ZNF765: variants seen among roughly 807,000 people sequenced by gnomAD.
ZNF765 encodes the protein zinc finger protein 765.
A neutral mutation model predicts 44.7 loss-of-function variants in ZNF765; 37 were observed. The observed-to-expected ratio is 0.83, with a 90% confidence interval of 0.64 to 1.09. The LOEUF is 1.09. Ranked by LOEUF, ZNF765 falls within the 50% of genes least tolerant of loss-of-function variation. ZNF765 has a pLI of 0.00. For synonymous variants in ZNF765, 201 were observed against 213.7 expected, an observed-to-expected ratio of 0.94 and a Z score of 0.52; for missense variants, 594 against 626.1, an observed-to-expected ratio of 0.95 and a Z score of 0.55.
At chr19:53,420,948 T>C (rs1385219519) in intron 3 of ZNF765, among the ~76,000 whole-genome samples, 1 of 151,820 alleles carries the variant, frequency 6.6e-6, no homozygotes, top group Non-Finnish European at 1.5e-5. Flanking sequence ...CCATAAAGGG[T>C]CTGTGCTGAG....
chr19:53,402,115 G>A lies in ZNF765; in HGVS notation c.66G>A (p.Trp22Ter), dbSNP rs1223024578. The A allele has an allele frequency of 6.2e-7, 1 of 1,613,936 alleles. No homozygotes were observed. The highest frequency in any genetic ancestry group is 1.7e-5 in the Admixed American group (1 of 59,976). Residue 22 changes from tryptophan (W) to a stop codon, truncating the protein, a stop_gained, in exon 3 of 4, where the codon TGG (tryptophan) becomes TGA (stop). Coordinates refer to ENST00000396408, the MANE Select transcript of ZNF765 (RefSeq NM_001040185.3). LOFTEE classifies it high-confidence loss of function. Reference protein sequence around the residue: ...DVAIEFSQEEWKCLDPAQRTL... With the variant: ...DVAIEFSQEE ...CCATAGAATTCTCTCAGGAGGAGTG[G>A]AAATGCCTGGACCCTGCTCAGAGGA...
In ZNF765 at chr19:53,407,889, C is replaced by T. The variant is rs766815130; in HGVS notation, c.334C>T (p.Leu112Phe). Residue 112 changes from leucine to phenylalanine, a missense_variant, in exon 4 of 4, where the codon CTC (leucine) becomes TTC (phenylalanine). Leu to Phe is a conservative substitution (Grantham distance 22, BLOSUM62 0). Around this residue, in one of 2 missense-constraint regions of ZNF765, gnomAD observed 567 missense variants for 572.6 expected, o/e 0.99. Transcript: ENST00000396408. ...QEDERNGHEA[L>F]MTKIKKLTGS... Reference sequence around the variant, plus strand: ...AGATGAAAGAAATGGCCATGAAGCACTCATGACAAAAATCAAAAAGTTGAC... The same window carrying T: ...AGATGAAAGAAATGGCCATGAAGCATTCATGACAAAAATCAAAAAGTTGAC... The T allele has an allele frequency of 6.2e-7, 1 of 1,613,742 alleles. No homozygotes were observed. Among genetic ancestry groups the T allele is most frequent in the African/African-American group, 1.3e-5 (1 of 74,978 alleles).
chr19:53,423,495 T>C, exon 4 of ZNF765: 1 of 441,138 alleles, frequency 2.3e-6, no homozygotes, highest in South Asian at 2.0e-5. Flanking sequence ...ACCAAAACCA[T>C]CCTCCTGGTG....
At position 53,410,580 on chromosome 19, in the gene ZNF765, G is replaced by A; in HGVS notation, c.*1453G>A. The A allele has an allele frequency of 2.2e-6, 1 of 444,446 alleles. No homozygotes were observed. The highest frequency in any genetic ancestry group is 4.5e-6 in the Non-Finnish European group (1 of 221,876). 27.5% of individuals were successfully genotyped at this position (444,446 alleles called of 1,614,324 possible). On this transcript the variant is annotated 3_prime_UTR_variant, in exon 4 of 4. Transcript: ENST00000396408. ...ACCATCAGGCAATCCATGGTGTAGG[G>A]AAACTTTACTTATGTAATGATTGTC...
At chr19:53,423,984 C>T (rs2147110072) in exon 4 of ZNF765, 1 of 152,976 alleles carries the variant, frequency 6.5e-6, no homozygotes, top group East Asian at 1.9e-4. Flanking sequence ...ATATACATAC[C>T]TCATTTCTGT....
intron 1 of ZNF765, among the ~76,000 whole-genome samples, chr19:53,397,363 T>G (rs968035040): frequency 2.0e-5 from 3 of 152,208 alleles, no homozygotes; most frequent in Non-Finnish European, 4.4e-5. Flanking sequence ...CTTGCAACTT[T>G]ATGATGCGGT....
intron 3 of ZNF765, 102 bp downstream of exon 3, chr19:53,402,293 G>C: frequency 6.7e-7 from 1 of 1,482,724 alleles, no homozygotes. Flanking sequence ...GTCTCGCTCT[G>C]TCGCCCAGGC....
chr19:53,426,594 G>C (rs2085941045), exon 4 of ZNF765: 1 of 152,454 alleles, frequency 6.6e-6, no homozygotes, highest in Non-Finnish European at 1.5e-5. Context: ...GGTGAGCAGT[G>C]GGTGAGTGCG....
rs377458144 is a variant in ZNF765, at chr19:53,408,782, A to G, written c.1227A>G (p.Lys409=). The G allele has an allele frequency of 1.9e-5, 31 of 1,614,136 alleles. 1 individual carries two copies. The African/African-American group carries it at 2.9e-4, about 15-fold the overall frequency. ...ATCGTAGACTTCATACTGAAGAGAA[A>G]CCTTACAAGTGTAATGAGTGTGGCA... The part of the protein sequence containing the change: ...TYHRRLHTEE[K]PYKCNECGKT... The change falls in exon 4 of 4, where the codon AAA becomes AAG. Residue 409 remains lysine (K), a synonymous_variant. Transcript: ENST00000396408.
intron 1 of ZNF765, among the ~76,000 whole-genome samples, chr19:53,395,496 G>A (rs552162660): frequency 1.6e-4 from 24 of 152,308 alleles, no homozygotes; most frequent in African/African-American, 4.8e-4. Context: ...GTCCTCACCC[G>A]AGAGGTGAAT....
intron 3 of ZNF765, among the ~76,000 whole-genome samples, chr19:53,420,974 A>G (rs893007134): frequency 3.3e-5 from 5 of 152,142 alleles, no homozygotes; most frequent in Admixed American, 3.3e-4. Flanking sequence ...TTAGTGAAAG[A>G]GGAAGGCCTC....
At chr19:53,419,179 A>G (rs2085892947) in intron 3 of ZNF765, among the ~76,000 whole-genome samples, 1 of 152,158 alleles carries the variant, frequency 6.6e-6, no homozygotes, top group Non-Finnish European at 1.5e-5. Flanking sequence ...AAGGTGCTTG[A>G]AGACTGGAAT....
downstream of ZNF765, among the ~76,000 whole-genome samples, chr19:53,416,956 T>G (rs1482767576): frequency 6.6e-6 from 1 of 152,088 alleles, no homozygotes; most frequent in Non-Finnish European, 1.5e-5. Flanking sequence ...TAGCTGGGAT[T>G]ACAGGCGCGC....
At chr19:53,407,538 T>G (rs1333779683) in intron 3 of ZNF765, among the ~76,000 whole-genome samples, 160 bp from the exon 4 acceptor site, 1 of 152,226 alleles carries the variant, frequency 6.6e-6, no homozygotes, top group Admixed American at 6.5e-5. Flanking sequence ...GTAATCGCCC[T>G]TTATTTGTTA....
downstream of ZNF765, among the ~76,000 whole-genome samples, chr19:53,415,962 T>TTGTTGTA (rs1301692377): frequency 6.6e-6 from 1 of 151,742 alleles, no homozygotes; most frequent in East Asian, 1.9e-4. Context: ...TGTTTTTTGT[T>TTGTTGTA]TTTTGTTTTT....
At chr19:53,413,603 T>G (rs1295052568), downstream of ZNF765, among the ~76,000 whole-genome samples, 2 of 24,370 alleles carry the variant, frequency 8.2e-5, no homozygotes, top group African/African-American at 1.8e-4. Flanking sequence ...TTTTTAGGTT[T>G]TTTTTTTTTT....
intron 3 of ZNF765, among the ~76,000 whole-genome samples, chr19:53,406,706 T>A (rs2085779363): frequency 6.6e-6 from 1 of 152,100 alleles, no homozygotes; most frequent in Non-Finnish European, 1.5e-5. Flanking sequence ...CTTGAGGTCA[T>A]AAGTTCGAGG....
rs1238501616 is a variant in ZNF765, at chr19:53,402,204, T to C, written c.142+13T>C. 2 of 1,612,464 alleles carry C rather than the reference T, an allele frequency of 1.2e-6. No individual in the cohort carries two copies. The highest frequency in any genetic ancestry group is 1.7e-5 in the Admixed American group (1 of 59,788). ...CTGGTCTCCCTGGGTGAGGATGACT[T>C]CCCTCCTGGGGATGTGCCCTTGCGT... On this transcript the variant is annotated intron_variant, in intron 3 of 3. Coordinates refer to ENST00000396408, the MANE Select transcript of ZNF765 (RefSeq NM_001040185.3).
At chr19:53,416,077 C>T (rs1219908446), downstream of ZNF765, among the ~76,000 whole-genome samples, 7 of 152,084 alleles carry the variant, frequency 4.6e-5, no homozygotes, top group Non-Finnish European at 1.0e-4. Flanking sequence ...GCCTCAGCCC[C>T]CCGAGTAGCT....
Sources: gnomAD v4.1 joint callset for allele counts (sites outside exome capture counted in the v4.1 genomes callset) on GRCh38, gnomAD v4.1.1 for gene constraint, gnomAD v4.1.1 regional missense constraint, MANE v1.5 for transcripts, NCBI Gene and HGNC (gene_info 2026-07-23, HGNC 2026-07-21) for gene names.